Variants in SLC4A10 observed in about 807,000 individuals in gnomAD.
The protein encoded by SLC4A10 is sodium-driven chloride bicarbonate exchanger.
Under a neutral mutation model 137.7 loss-of-function variants are expected in SLC4A10, and 42 were observed. That is an observed-to-expected ratio of 0.30 (90% CI 0.24 to 0.39). The LOEUF (loss-of-function observed/expected upper bound fraction) is 0.39. Among genes scored for constraint, SLC4A10 ranks in the 10% least tolerant of loss-of-function variants. The probability of loss-of-function intolerance (pLI) is 1.00; values close to 1 mark genes in which losing one functional copy is unlikely to be tolerated. For missense variants in SLC4A10, 925 were observed against 1,355.0 expected (o/e 0.68, Z 4.98); for synonymous variants, 474 against 464.1 (o/e 1.02, Z -0.27).
chr2:161,791,017 G>T (rs946900584), intron 2 of SLC4A10, among the ~76,000 whole-genome samples: 8 of 152,084 alleles, frequency 5.3e-5, no homozygotes, highest in Non-Finnish European at 8.8e-5. Flanking sequence ...CACTATTGGT[G>T]GAAACGTAAA....
chr2:161,820,780 T>G (rs1284619487), intron 3 of SLC4A10, among the ~76,000 whole-genome samples: 1 of 152,216 alleles, frequency 6.6e-6, no homozygotes, highest in Non-Finnish European at 1.5e-5. Context: ...GGTATACATA[T>G]GCATTTCTCA....
At chr2:161,909,188 A>T (rs911237542) in intron 15 of SLC4A10, among the ~76,000 whole-genome samples, 4 of 151,994 alleles carry the variant, frequency 2.6e-5, no homozygotes, top group Non-Finnish European at 5.9e-5. Context: ...CATATGTAAC[A>T]AACCTGCACA....
chr2:161,652,426 T>C (rs1041329190), intron 1 of SLC4A10, among the ~76,000 whole-genome samples: 5 of 151,654 alleles, frequency 3.3e-5, no homozygotes, highest in Non-Finnish European at 5.9e-5. Context: ...AGAAAAGATA[T>C]ACACACACAC....
intron 11 of SLC4A10, among the ~76,000 whole-genome samples, chr2:161,895,550 T>A (rs1305314873): frequency 2.0e-5 from 3 of 152,178 alleles, no homozygotes; most frequent in Non-Finnish European, 2.9e-5. Context: ...GTGTTCCTAT[T>A]TCTGCACATC....
intron 1 of SLC4A10, among the ~76,000 whole-genome samples, chr2:161,698,689 T>C (rs759399192): frequency 4.2e-4 from 64 of 152,346 alleles, no homozygotes; most frequent in Non-Finnish European, 8.8e-4. Context: ...CTTTCTGATG[T>C]GCTGCTGGAT....
At chr2:161,749,717 T>A (rs1368183218) in intron 1 of SLC4A10, among the ~76,000 whole-genome samples, 1 of 151,870 alleles carries the variant, frequency 6.6e-6, no homozygotes, top group Non-Finnish European at 1.5e-5. Flanking sequence ...GGCCTGTAGT[T>A]GTTTTTTGTT....
At chr2:161,862,415 G>GA (rs1326475310) in intron 5 of SLC4A10, among the ~76,000 whole-genome samples, 1 of 151,976 alleles carries the variant, frequency 6.6e-6, no homozygotes, top group Non-Finnish European at 1.5e-5. Flanking sequence ...TAGAAAATGG[G>GA]AAAAAAATTA....
intron 1 of SLC4A10, among the ~76,000 whole-genome samples, chr2:161,706,226 T>C (rs1559073054): frequency 6.6e-6 from 1 of 151,616 alleles, no homozygotes; most frequent in African/African-American, 2.4e-5. Context: ...TTGGGGATTA[T>C]ATATACTAAT....
chr2:161,748,513 T>G (rs1315519658), intron 1 of SLC4A10, among the ~76,000 whole-genome samples: 1 of 151,868 alleles, frequency 6.6e-6, no homozygotes, highest in Non-Finnish European at 1.5e-5. Context: ...TGCATGTGGA[T>G]ATTCTACCAT....
intron 2 of SLC4A10, among the ~76,000 whole-genome samples, chr2:161,797,439 C>T (rs1405692753): frequency 6.6e-6 from 1 of 152,054 alleles, no homozygotes; most frequent in African/African-American, 2.4e-5. Context: ...GTAACATTTG[C>T]CTCATTACAG....
intron 15 of SLC4A10, among the ~76,000 whole-genome samples, chr2:161,934,206 A>G (rs1691150296): frequency 6.6e-6 from 1 of 152,098 alleles, no homozygotes; most frequent in Admixed American, 6.6e-5. Context: ...TGTTCAATCC[A>G]TTATTGTTGA....
At chr2:161,981,600 G>C (rs1029847659) in intron 26 of SLC4A10, among the ~76,000 whole-genome samples, 4 of 152,204 alleles carry the variant, frequency 2.6e-5, no homozygotes. Context: ...GGCAGGTAGA[G>C]CTTAAGGAAA....
intron 1 of SLC4A10, among the ~76,000 whole-genome samples, chr2:161,669,060 G>C (rs2039408045): frequency 6.6e-6 from 1 of 151,838 alleles, no homozygotes; most frequent in African/African-American, 2.4e-5. Context: ...CTTGCCTTCT[G>C]TCAGTATTTG....
chr2:161,881,066 CTATT>C (rs937049751), intron 9 of SLC4A10, among the ~76,000 whole-genome samples: 14 of 151,902 alleles, frequency 9.2e-5, no homozygotes, highest in African/African-American at 3.1e-4. Context: ...AAAGACAAGA[CTATT>C]TAGTTAGGAA....
chr2:161,928,740 A>G (rs985552885), intron 15 of SLC4A10, among the ~76,000 whole-genome samples: 5 of 151,550 alleles, frequency 3.3e-5, no homozygotes, highest in African/African-American at 1.2e-4. Context: ...ATAAGTTATC[A>G]AACATTTAGT....
At chr2:161,731,166 A>T (rs973484735) in intron 1 of SLC4A10, among the ~76,000 whole-genome samples, 1 of 152,182 alleles carries the variant, frequency 6.6e-6, no homozygotes, top group African/African-American at 2.4e-5. Context: ...ATGTGAATGC[A>T]TGAGTTCTCC....
chr2:161,833,563 T>C (rs2058573354), intron 3 of SLC4A10, among the ~76,000 whole-genome samples: 1 of 152,234 alleles, frequency 6.6e-6, no homozygotes, highest in Non-Finnish European at 1.5e-5. Flanking sequence ...AGGCAAGAAC[T>C]TAATAAATGT....
chr2:161,727,853 A>C (rs1266634667), intron 1 of SLC4A10, among the ~76,000 whole-genome samples: 1 of 152,162 alleles, frequency 6.6e-6, no homozygotes, highest in African/African-American at 2.4e-5. Context: ...TATTATGAGA[A>C]CAAAAGGACC....
chr2:161,897,692 TA>T lies in SLC4A10; in HGVS notation c.1341+2872del, dbSNP rs559499752. Among the ~76,000 whole-genome samples the T allele has an allele frequency of 2.1e-3, 320 of 152,256 alleles. 1 individual carries two copies. The highest frequency in any genetic ancestry group is 7.2e-3 in the African/African-American group (300 of 41,560). The stretch of plus-strand genomic sequence containing the variant: ...TATTTCAGTTGATCTACTATTAAAA[TA>T]AAAAGTTGCCTAATAATTAATTGTA... On this transcript the variant is annotated intron_variant, in intron 11 of 26. Coordinates refer to ENST00000446997, the MANE Select transcript of SLC4A10 (RefSeq NM_001178015.2).
Sources: gnomAD v4.1 joint callset for allele counts (sites outside exome capture counted in the v4.1 genomes callset) on GRCh38, gnomAD v4.1.1 for gene constraint, MANE v1.5 for transcripts, NCBI Gene and HGNC (gene_info 2026-07-23, HGNC 2026-07-21) for gene names.